Variants in HPN observed in about 807,000 individuals in gnomAD.
The protein encoded by HPN is serine protease hepsin.
A neutral mutation model predicts 55.9 loss-of-function variants in HPN; 13 were observed. The observed-to-expected ratio is 0.23, with a 90% CI of 0.15 to 0.37. HPN has a LOEUF of 0.37. Ranked by LOEUF, HPN falls within the 10% of genes least tolerant of loss-of-function variation. The pLI is 1.00. For synonymous variants in HPN, 225 were observed against 240.3 expected, an observed-to-expected ratio of 0.94 and a Z score of 0.59; for missense variants, 451 against 575.8, an observed-to-expected ratio of 0.78 and a Z score of 2.22.
chr19:35,042,290 C>A, intron 1 of HPN, 163 bp from the exon 2 acceptor site: 1 of 1,393,394 alleles, frequency 7.2e-7, no homozygotes, highest in African/African-American at 1.5e-5. Context: ...CAGACACTGA[C>A]CCCATCCTTG....
intron 4 of HPN, among the ~76,000 whole-genome samples, chr19:35,052,070 A>G (rs966814837): frequency 2.6e-5 from 4 of 151,972 alleles, no homozygotes; most frequent in African/African-American, 9.7e-5. Context: ...GTCTCTACTC[A>G]CCCACTTCTT....
At chr19:35,057,967 A>G (rs1426169164) in intron 4 of HPN, among the ~76,000 whole-genome samples, 4 of 152,046 alleles carry the variant, frequency 2.6e-5, no homozygotes, top group Admixed American at 1.3e-4. Flanking sequence ...CCTGGCCAAC[A>G]TGGTGAAACC....
intron 4 of HPN, among the ~76,000 whole-genome samples, chr19:35,053,335 C>A (rs2064422896): frequency 6.6e-6 from 1 of 152,184 alleles, no homozygotes; most frequent in African/African-American, 2.4e-5. Context: ...TAAGAATCCA[C>A]CCCTCTTCCT....
intron 4 of HPN, among the ~76,000 whole-genome samples, chr19:35,058,126 C>T (rs190916084): frequency 1.2e-3 from 177 of 151,940 alleles, no homozygotes; most frequent in Non-Finnish European, 2.0e-3. Context: ...GCACACCAGC[C>T]TGGACAACAG....
chr19:35,066,472 C>T lies in HPN; in HGVS notation c.*185C>T. On this transcript the variant is annotated 3_prime_UTR_variant, in exon 13 of 13. Coordinates refer to ENST00000672452, the MANE Select transcript of HPN (RefSeq NM_001384133.1). Reference sequence around the variant, plus strand: ...CAGCCCCGAGACCACCCAACCTCACCCTCCTGACCCCCATGTAAATATTGT... The same window carrying T: ...CAGCCCCGAGACCACCCAACCTCACTCTCCTGACCCCCATGTAAATATTGT... 1 of 668,014 alleles carries T rather than the reference C, an allele frequency of 1.5e-6. No individual in the cohort carries two copies. The highest frequency in any genetic ancestry group is 2.5e-6 in the Non-Finnish European group (1 of 399,606). 41.4% of individuals were successfully genotyped at this position (668,014 alleles called of 1,614,324 possible). A position where few individuals can be genotyped will look rare whatever the true frequency, so the allele number is the denominator to read the frequency against.
At chr19:35,045,761 C>A (rs1156353566) in intron 2 of HPN, among the ~76,000 whole-genome samples, 1 of 150,356 alleles carries the variant, frequency 6.7e-6, no homozygotes, top group Admixed American at 6.6e-5. Flanking sequence ...GAGGATGCGT[C>A]CCACACCGTG....
At chr19:35,045,782 G>T (rs1209186210) in intron 2 of HPN, among the ~76,000 whole-genome samples, 1 of 151,692 alleles carries the variant, frequency 6.6e-6, no homozygotes, top group Non-Finnish European at 1.5e-5. Context: ...GGCCAGATGA[G>T]GATGCTGCCT....
intron 4 of HPN, among the ~76,000 whole-genome samples, chr19:35,058,118 A>C (rs1444630357): frequency 1.3e-5 from 2 of 151,852 alleles, no homozygotes; most frequent in Admixed American, 1.3e-4. Context: ...GCACCACTGC[A>C]CACCAGCCTG....
Position 35,066,499 on chromosome 19 carries a change from C to G in HPN, c.*212C>G. 1.6e-6 allele frequency: 1 copy of G among 611,112 alleles called. No individual in the cohort carries two copies. Among genetic ancestry groups the G allele is most frequent in the South Asian group, 2.1e-5 (1 of 46,988 alleles). The allele number at this position is 611,112 out of a possible 1,614,324, so 37.9% of individuals were successfully genotyped here. A position where few individuals can be genotyped will look rare whatever the true frequency, so the allele number is the denominator to read the frequency against. On this transcript the variant is annotated 3_prime_UTR_variant, in exon 13 of 13. Transcript: ENST00000672452. ...TCCTGACCCCCATGTAAATATTGTT[C>G]TGCTGTCTGGGACTCCTGTCTAGGT... is the stretch of plus-strand genomic sequence containing the variant.
chr19:35,059,358 T>C, intron 4 of HPN: 1 of 483,626 alleles, frequency 2.1e-6, no homozygotes, highest in Non-Finnish European at 3.8e-6. Flanking sequence ...GGTGCACGCC[T>C]GTGGTCCTAG....
At chr19:35,063,938 C>G (rs2064567929) in intron 9 of HPN, among the ~76,000 whole-genome samples, 1 of 152,178 alleles carries the variant, frequency 6.6e-6, no homozygotes, top group Non-Finnish European at 1.5e-5. Flanking sequence ...GAGTAAAGAG[C>G]TTAGAGAACT....
upstream of HPN, among the ~76,000 whole-genome samples, chr19:35,040,968 A>G (rs2064287664): frequency 6.6e-6 from 1 of 152,110 alleles, no homozygotes; most frequent in African/African-American, 2.4e-5. Context: ...CGTGTGGTTG[A>G]GCACGGGCAG....
intron 4 of HPN, among the ~76,000 whole-genome samples, chr19:35,052,352 A>C (rs997584047): frequency 3.9e-4 from 59 of 151,980 alleles, no homozygotes; most frequent in African/African-American, 1.4e-3. Flanking sequence ...ACGTGGTGAA[A>C]CCTCATCTGT....
Position 35,059,985 on chromosome 19 carries a change from C to T in HPN, c.402C>T (p.Val134=). Reference sequence around the variant, plus strand: ...CCCACACCCAGAGGCTGCTGGAGGTCATCTCCGTGTGGTGAGGAGGGCAGC... The same window carrying T: ...CCCACACCCAGAGGCTGCTGGAGGTTATCTCCGTGTGGTGAGGAGGGCAGC... ...RLPHTQRLLE[V]ISVCDCPRGR... is the part of the protein sequence containing the mutation. Residue 134 remains valine, a synonymous_variant, in exon 6 of 13, where the codon GTC becomes GTT. Coordinates refer to ENST00000672452, the MANE Select transcript of HPN (RefSeq NM_001384133.1). The T allele has an allele frequency of 6.4e-7, 1 of 1,573,304 alleles. No individual in the cohort carries two copies. Among genetic ancestry groups the T allele is most frequent in the African/African-American group, 1.3e-5 (1 of 74,124 alleles).
chr19:35,060,141 A>C lies in HPN; in HGVS notation c.426A>C (p.Arg142Ser). The change falls in exon 7 of 13, where the codon AGA becomes AGC. Residue 142 changes from arginine to serine, a missense_variant. Arg to Ser is a moderately radical substitution (Grantham distance 110). This residue lies in a region of HPN where 378 missense variants were observed against 445.5 expected (regional missense o/e 0.85). Transcript: ENST00000672452. ...CCATCTCTCCCAGTGATTGCCCCAG[A>C]GGCCGTTTCTTGGCCGCCATCTGCC... ...LEVISVCDCP[R>S]GRFLAAICQD... is the part of the protein sequence containing the mutation. 1 of 1,614,140 alleles carries C rather than the reference A, an allele frequency of 6.2e-7. No homozygotes were observed. The highest frequency in any genetic ancestry group is 8.5e-7 in the Non-Finnish European group (1 of 1,180,016).
intron 3 of HPN, 38 bp downstream of exon 3, chr19:35,049,429 C>A (rs992323666): frequency 6.2e-7 from 1 of 1,612,978 alleles, no homozygotes; most frequent in South Asian, 1.1e-5. Flanking sequence ...TCCCCTGGCC[C>A]CTGCAGCCTC....
chr19:35,065,371 GC>G (rs750450700), intron 10 of HPN, 26 bp downstream of exon 10: 3 of 1,597,356 alleles, frequency 1.9e-6, no homozygotes, highest in Non-Finnish European at 2.6e-6. Context: ...TGCCTCTGAT[GC>G]CACCGTTTGG....
intron 2 of HPN, 51 bp downstream of exon 2, chr19:35,042,573 C>T: frequency 6.7e-7 from 1 of 1,499,964 alleles, no homozygotes; most frequent in Non-Finnish European, 9.2e-7. Context: ...GCGCCCCGCC[C>T]TCTGTGCTCT....
intron 2 of HPN, among the ~76,000 whole-genome samples, chr19:35,044,481 T>C (rs139125877): frequency 3.7e-3 from 570 of 152,038 alleles, no homozygotes; most frequent in Non-Finnish European, 6.6e-3. Context: ...CAGGCAGGGG[T>C]GGGACTGTTT....
Sources: allele counts gnomAD v4.1 joint callset (sites outside exome capture counted in the v4.1 genomes callset), GRCh38; gene constraint gnomAD v4.1.1; regional missense constraint gnomAD v4.1.1; transcripts MANE v1.5; gene names NCBI Gene and HGNC (gene_info 2026-07-23, HGNC 2026-07-21).